SMARCA1: variants seen among roughly 807,000 people sequenced by gnomAD.
The protein encoded by SMARCA1 is SWI/SNF-related matrix-associated actin-dependent regulator of chromatin subfamily A member 1.
SMARCA1 carries 17 observed loss-of-function variants against 93.6 expected under a neutral mutation model. The ratio of observed to expected loss-of-function variants is 0.18; its 90% CI spans 0.12 to 0.27. The LOEUF (loss-of-function observed/expected upper bound fraction) is 0.27. Ranked by LOEUF, SMARCA1 falls within the 10% of genes least tolerant of loss-of-function variation. The probability of loss-of-function intolerance (pLI) is 1.00; values close to 1 mark genes in which losing one functional copy is unlikely to be tolerated. For synonymous variants in SMARCA1, 271 were observed against 271.4 expected, an observed-to-expected ratio of 1.00 and a Z score of 0.01; for missense variants, 630 against 819.0, an observed-to-expected ratio of 0.77 and a Z score of 2.82.
rs139464837 is a variant in SMARCA1, at chrX:129,465,912, C to T, written c.2749G>A (p.Ala917Thr). ...NELQDIEKIM[A>T]QIERGEARIQ... ...CTTGCTTCTCCACGTTCAATTTGAG[C>T]CATAATTTTCTCAATGTCCTGTAAT... Residue 917 changes from alanine to threonine, a missense_variant, in exon 22 of 25, where the codon GCT becomes ACT. Around this residue, in one of 4 missense-constraint regions of SMARCA1, gnomAD observed 93 missense variants for 160.8 expected, o/e 0.58. Transcript: ENST00000371121. The T allele has an allele frequency of 4.2e-6, 5 of 1,181,441 alleles. No homozygotes were observed. The African/African-American group carries it at 8.9e-5, about 21-fold the overall frequency.
rs753500887 is a variant in SMARCA1, at chrX:129,512,810, T to A, written c.631-827A>T. On this transcript the variant is annotated intron_variant, in intron 5 of 24. Transcript: ENST00000371121. ...TACTCCTTAACCCAGTAATTCTACTTCTAGGAATCCTACGGAAATAATCTG... is the reference window on the plus strand; with the variant it reads ...TACTCCTTAACCCAGTAATTCTACTACTAGGAATCCTACGGAAATAATCTG... 7.2e-5 allele frequency among the ~76,000 whole-genome samples: 8 copies of A among 111,794 alleles called. No individual in the cohort carries two copies. In the East Asian group the frequency reaches 2.2e-3, roughly 31 times the overall value.
chrX:129,511,364 C>T (rs1309583703), intron 6 of SMARCA1, among the ~76,000 whole-genome samples: 1 of 111,697 alleles, frequency 9.0e-6, no homozygotes, highest in Non-Finnish European at 1.9e-5. Flanking sequence ...CATGCATATG[C>T]GTGTGTGTAC....
At position 129,504,573 on chromosome X, in the gene SMARCA1, A is replaced by C. The variant is rs865801622; in HGVS notation, c.1167+161T>G. Among the ~76,000 whole-genome samples, 644 of 99,954 alleles carry C rather than the reference A, an allele frequency of 6.4e-3. 2 individuals carry two copies. Among genetic ancestry groups the C allele is most frequent in the South Asian group, 0.019 (42 of 2,221 alleles). 86.8% of individuals were successfully genotyped at this position (99,954 alleles called of 115,157 possible). A position where few individuals can be genotyped will look rare whatever the true frequency, so the allele number is the denominator to read the frequency against. On this transcript the variant is annotated intron_variant, in intron 9 of 24. Transcript: ENST00000371121. ...ATAAAAAAAAAAAAAAAAAAAAAAA[A>C]AAAAAAAACAAAGAGGCTGTCAGAA... is the stretch of plus-strand genomic sequence containing the variant.
intron 23 of SMARCA1, among the ~76,000 whole-genome samples, chrX:129,452,620 G>A (rs543507605): frequency 1.9e-4 from 21 of 112,190 alleles, no homozygotes; most frequent in South Asian, 3.7e-4. Flanking sequence ...TAATCAGCAC[G>A]TCCCAACTCT....
At chrX:129,481,249 G>T in intron 17 of SMARCA1, 64 bp from the exon 18 acceptor site, 3 of 680,747 alleles carry the variant, frequency 4.4e-6, no homozygotes. Context: ...TCAAAATCAA[G>T]TACATCGAGG....
Position 129,489,009 on chromosome X carries a change from A to C in SMARCA1, c.2025T>G (p.His675Gln), listed in dbSNP as rs1432560380. The change falls in exon 16 of 25, where the codon CAT becomes CAG. Residue 675 changes from histidine (H) to glutamine (Q), a missense_variant. Around this residue, in one of 4 missense-constraint regions of SMARCA1, gnomAD observed 382 missense variants for 537.9 expected, o/e 0.71. Transcript: ENST00000371121. ...ACTCACTCTCTTTAGAAGCAAAAAC[A>C]TGGGTGGCTCCATGCCGTATCATTT... ...MLQMIRHGAT[H>Q]VFASKESELT... The C allele has an allele frequency of 8.5e-7, 1 of 1,173,753 alleles. No individual in the cohort carries two copies. The highest frequency in any genetic ancestry group is 1.2e-6 in the Non-Finnish European group (1 of 861,141).
chrX:129,447,351 A>G (rs1480583311), intron 24 of SMARCA1, 118 bp from the exon 25 acceptor site: 1 of 736,793 alleles, frequency 1.4e-6, no homozygotes, highest in Admixed American at 4.3e-5. Flanking sequence ...TATTCACTTA[A>G]ATGTTATATT....
Position 129,504,816 on chromosome X carries a change from G to A in SMARCA1, c.1099-14C>T. On this transcript the variant is annotated splice_polypyrimidine_tract_variant and intron_variant, in intron 8 of 24. Coordinates refer to ENST00000371121, the MANE Select transcript of SMARCA1 (RefSeq NM_001282874.2). The stretch of plus-strand genomic sequence containing the variant: ...AGAATCAAAGTCCTGTAGAGGGGTG[G>A]AAATTCTCCAATGAGTGCACAGTTT... 8.9e-7 allele frequency: 1 copy of A among 1,126,826 alleles called. No individual in the cohort carries two copies. Among genetic ancestry groups the A allele is most frequent in the Non-Finnish European group, 1.2e-6 (1 of 820,129 alleles). 92.9% of individuals were successfully genotyped at this position (1,126,826 alleles called of 1,213,427 possible).
At chrX:129,466,837 TAAA>T (rs35808392) in intron 21 of SMARCA1, among the ~76,000 whole-genome samples, 1 of 81,056 alleles carries the variant, frequency 1.2e-5, no homozygotes, top group Non-Finnish European at 2.6e-5. Context: ...CCTTTTCTCA[TAAA>T]AAAAAAAAAA....
chrX:129,487,287 GAAGTGCAAAT>G (rs767014339), intron 16 of SMARCA1, 150 bp from the exon 17 acceptor site: 14 of 366,035 alleles, frequency 3.8e-5, no homozygotes, highest in African/African-American at 3.2e-4. Flanking sequence ...CATCAAACCT[GAAGTGCAAAT>G]TTTACTTGCC....
At chrX:129,496,903 T>C in intron 11 of SMARCA1, 32 bp from the exon 12 acceptor site, 2 of 1,177,401 alleles carry the variant, frequency 1.7e-6, no homozygotes, top group Non-Finnish European at 2.3e-6. Flanking sequence ...AAGTGAGTTG[T>C]ACAACTTGTG....
intron 19 of SMARCA1, 142 bp from the exon 20 acceptor site, chrX:129,471,468 C>T: frequency 2.4e-6 from 1 of 414,733 alleles, no homozygotes; most frequent in Non-Finnish European, 4.1e-6. Flanking sequence ...GTCCTCTCCA[C>T]ATTTCTGCTA....
intron 1 of SMARCA1, among the ~76,000 whole-genome samples, chrX:129,520,353 T>C (rs1187299608): frequency 2.0e-4 from 22 of 110,838 alleles, no homozygotes; most frequent in Admixed American, 9.6e-4. Flanking sequence ...TCTACAGTGT[T>C]GGGTAATCCA....
intron 12 of SMARCA1, among the ~76,000 whole-genome samples, chrX:129,493,281 A>T (rs1000642893): frequency 2.7e-5 from 3 of 111,839 alleles, no homozygotes; most frequent in Non-Finnish European, 5.6e-5. Context: ...ACAATATAAT[A>T]TTAAGTAAAT....
rs775865696 is a variant in SMARCA1, at chrX:129,515,602, A to AG, written c.630+84dup. On this transcript the variant is annotated intron_variant, in intron 5 of 24. Transcript: ENST00000371121. ...AACTTTTAAAAAGCCTCCAGGCATC[A>AG]GGGGGGCAGGTAAGCTCAGGTTTTT... 3.5e-5 allele frequency: 21 copies of AG among 605,971 alleles called. No individual in the cohort carries two copies. The Middle Eastern group carries it at 1.3e-3, about 38-fold the overall frequency. The allele number at this position is 605,971 out of a possible 1,213,427, so 49.9% of individuals were successfully genotyped here. A position where few individuals can be genotyped will look rare whatever the true frequency, so the allele number is the denominator to read the frequency against.
chrX:129,480,840 T>C (rs780853417), intron 18 of SMARCA1, 26 bp from the exon 19 acceptor site: 6 of 926,594 alleles, frequency 6.5e-6, no homozygotes, highest in Non-Finnish European at 9.1e-6. Flanking sequence ...ATGTATTATA[T>C]ATACTTCTTT....
intron 5 of SMARCA1, among the ~76,000 whole-genome samples, chrX:129,513,935 T>C (rs1313492085): frequency 1.8e-5 from 2 of 112,500 alleles, no homozygotes; most frequent in Admixed American, 9.4e-5. Context: ...ATTACAAGTA[T>C]GGTTTCAGAG....
chrX:129,523,126 C>A (rs1249836565), intron 1 of SMARCA1, 71 bp downstream of exon 1: 40 of 1,114,528 alleles, frequency 3.6e-5, no homozygotes, highest in Non-Finnish European at 4.7e-5. Flanking sequence ...GCCGAAAGGT[C>A]AGGGTTTGGG....
At chrX:129,507,882 A>G in intron 7 of SMARCA1, 59 bp downstream of exon 7, 2 of 796,169 alleles carry the variant, frequency 2.5e-6, no homozygotes, top group South Asian at 6.1e-5. Context: ...AATACAGAAA[A>G]GTGAACAAAC....
Sources: allele counts gnomAD v4.1 joint callset (sites outside exome capture counted in the v4.1 genomes callset), GRCh38; gene constraint gnomAD v4.1.1; regional missense constraint gnomAD v4.1.1; transcripts MANE v1.5; gene names NCBI Gene and HGNC (gene_info 2026-07-23, HGNC 2026-07-21).